SDHA: variants seen among roughly 807,000 people sequenced by gnomAD.
SDHA encodes the protein succinate dehydrogenase [ubiquinone] flavoprotein subunit, mitochondrial.
In SDHA, 48 loss-of-function variants were observed where a neutral mutation model predicts 78.4. The ratio of observed to expected loss-of-function variants is 0.61; its 90% confidence interval spans 0.49 to 0.78. The LOEUF is 0.78. Ranked by LOEUF, SDHA falls within the 30% of genes least tolerant of loss-of-function variation. The probability of loss-of-function intolerance (pLI) is 0.00; values close to 1 mark genes in which losing one functional copy is unlikely to be tolerated. For synonymous variants in SDHA, 326 were observed against 353.9 expected (o/e 0.92, Z 0.88); for missense variants, 680 against 892.7 (o/e 0.76, Z 3.04).
intron 14 of SDHA, among the ~76,000 whole-genome samples, chr5:255,768 G>C (rs1737145799): frequency 6.6e-6 from 1 of 151,992 alleles, no homozygotes; most frequent in Non-Finnish European, 1.5e-5. Context: ...ACTCATTTTA[G>C]AAAGTACAAA....
In SDHA at chr5:226,045, AG is replaced by A. The variant is rs1159289835; in HGVS notation, c.621+1del. 1 of 1,613,798 alleles carries A rather than the reference AG, an allele frequency of 6.2e-7. No individual in the cohort carries two copies. Among genetic ancestry groups the A allele is most frequent in the African/African-American group, 1.3e-5 (1 of 74,834 alleles). Reference sequence around the variant, plus strand: ...CTCGCTATTGCACACCTTATATGGAAGGGTAAGGCCGCCCCCGTCCACCTGA... The same window carrying A: ...CTCGCTATTGCACACCTTATATGGAAGGTAAGGCCGCCCCCGTCCACCTGA... ...GHSLLHTLYG[R>X]SLRYDTSYFV... On this transcript the variant is annotated frameshift_variant and splice_region_variant, in exon 5 of 15. Coordinates refer to ENST00000264932, the MANE Select transcript of SDHA (RefSeq NM_004168.4). LOFTEE classifies it high-confidence loss of function.
the SDHA span, among the ~76,000 whole-genome samples, chr5:262,309 C>G: frequency 9.1e-6 from 1 of 110,294 alleles, no homozygotes; most frequent in Non-Finnish European, 2.0e-5. Flanking sequence ...CGTGTGAGCT[C>G]CGCCTCCCGT....
intron 11 of SDHA, among the ~76,000 whole-genome samples, chr5:245,973 T>G (rs1482790096): frequency 6.6e-6 from 1 of 152,248 alleles, no homozygotes; most frequent in Non-Finnish European, 1.5e-5. Flanking sequence ...TAATCTATTT[T>G]CTATCCTTAG....
chr5:239,062 G>C (rs1735962198), intron 10 of SDHA, among the ~76,000 whole-genome samples: 1 of 126,046 alleles, frequency 7.9e-6, no homozygotes, highest in Admixed American at 7.7e-5. Context: ...AAAAGGAAGA[G>C]AAACACCAGC....
intron 14 of SDHA, among the ~76,000 whole-genome samples, chr5:255,651 C>T (rs1288014910): frequency 6.6e-6 from 1 of 152,086 alleles, no homozygotes; most frequent in Non-Finnish European, 1.5e-5. Context: ...CCACGTTGCC[C>T]AGGCTAGTCT....
intron 5 of SDHA, 100 bp downstream of exon 5, chr5:226,147 T>G: frequency 1.4e-6 from 2 of 1,381,704 alleles, no homozygotes; most frequent in Non-Finnish European, 2.0e-6. Context: ...AGCCAGAGAT[T>G]ACGTAAAAAG....
At chr5:253,287 A>C (rs1484987562) in intron 13 of SDHA, among the ~76,000 whole-genome samples, 2 of 152,202 alleles carry the variant, frequency 1.3e-5, no homozygotes, top group African/African-American at 4.8e-5. Flanking sequence ...TTTATTCACC[A>C]TGAAATTTTA....
Position 230,904 on chromosome 5 carries a change from A to G in SDHA, c.799A>G (p.Thr267Ala). The change falls in exon 7 of 15, where the codon ACG (threonine) becomes GCG (alanine). Residue 267 changes from threonine (T) to alanine (A), a missense_variant. Thr to Ala is a moderately conservative substitution (Grantham distance 58, BLOSUM62 0). Transcript: ENST00000264932. ...CTACGGGCGCACCTACTTCAGCTGCACGTCTGCCCACACCAGCACTGGCGA... is the reference window on the plus strand; with the variant it reads ...CTACGGGCGCACCTACTTCAGCTGCGCGTCTGCCCACACCAGCACTGGCGA... ...GGYGRTYFSC[T>A]SAHTSTGDGT... The G allele has an allele frequency of 1.2e-6, 2 of 1,614,024 alleles. No individual in the cohort carries two copies. Among genetic ancestry groups the G allele is most frequent in the Non-Finnish European group, 8.5e-7 (1 of 1,179,960 alleles).
downstream of SDHA, among the ~76,000 whole-genome samples, chr5:259,625 C>T (rs1161692245): frequency 6.1e-4 from 15 of 24,628 alleles, no homozygotes; most frequent in South Asian, 1.8e-3. Flanking sequence ...TGAGCTCCGC[C>T]TCCCGTCCGA....
chr5:256,614 G>A lies in SDHA; in HGVS notation c.*194G>A. On this transcript the variant is annotated 3_prime_UTR_variant, in exon 15 of 15. Transcript: ENST00000264932. ...GCCAGGGAGCGTGGCACTTACCTTT[G>A]TCCCTTGCTTCATTCTTGTGAGATG... is the stretch of plus-strand genomic sequence containing the variant. 3.3e-6 allele frequency: 2 copies of A among 611,606 alleles called. No individual in the cohort carries two copies. Among genetic ancestry groups the A allele is most frequent in the East Asian group, 2.8e-5 (1 of 35,722 alleles). The allele number at this position is 611,606 out of a possible 1,614,324, so 37.9% of individuals were successfully genotyped here. A position where few individuals can be genotyped will look rare whatever the true frequency, so the allele number is the denominator to read the frequency against.
chr5:219,872 A>G (rs1476765624), intron 1 of SDHA, among the ~76,000 whole-genome samples: 2 of 143,902 alleles, frequency 1.4e-5, no homozygotes, highest in Non-Finnish European at 3.0e-5. Flanking sequence ...AAATTGAACC[A>G]AAATTTAGTC....
At position 233,571 on chromosome 5, in the gene SDHA, C is replaced by T. The variant is rs370547766; in HGVS notation, c.990C>T (p.Tyr330=). Residue 330 remains tyrosine (Y), a synonymous_variant, in exon 8 of 15, where the codon TAC becomes TAT. Coordinates refer to ENST00000264932, the MANE Select transcript of SDHA (RefSeq NM_004168.4). Reference sequence around the variant, plus strand: ...AAGGCGAAAGGTTTATGGAGCGATACGCCCCTGTCGCGAAGGACCTGGCGT... The same window carrying T: ...AAGGCGAAAGGTTTATGGAGCGATATGCCCCTGTCGCGAAGGACCTGGCGT... ...NSQGERFMER[Y]APVAKDLASR... The T allele has an allele frequency of 5.6e-6, 9 of 1,614,014 alleles. No homozygotes were observed. The highest frequency in any genetic ancestry group is 4.5e-5 in the East Asian group (2 of 44,890).
chr5:227,845 A>G (rs1273402848), intron 5 of SDHA: 18 of 368,052 alleles, frequency 4.9e-5, no homozygotes, highest in South Asian at 3.4e-4. Flanking sequence ...CTGTGACTGC[A>G]TGGTCTGCGG....
intron 11 of SDHA, chr5:249,548 G>A (rs3975683): frequency 0.24 from 36,713 of 152,808 alleles, 6,890 homozygotes; most frequent in African/African-American, 0.53. Flanking sequence ...TGTGCCTTAA[G>A]GACATTTTCC....
At chr5:233,381 TTCC>T (rs756647241) in intron 7 of SDHA, 93 bp from the exon 8 acceptor site, 15 of 1,349,430 alleles carry the variant, frequency 1.1e-5, no homozygotes, top group Non-Finnish European at 1.6e-5. Context: ...GCTTATCTTT[TTCC>T]TCTTTCCCCC....
rs1383962709 is a variant in SDHA, at chr5:237,477, G to C, written c.1432+878G>C. 4.5e-5 allele frequency among the ~76,000 whole-genome samples: 6 copies of C among 132,986 alleles called. 2 individuals are homozygous for C. Among genetic ancestry groups the C allele is most frequent in the Non-Finnish European group, 7.6e-5 (5 of 66,076 alleles). 87.2% of individuals were successfully genotyped at this position (132,986 alleles called of 152,430 possible). A position where few individuals can be genotyped will look rare whatever the true frequency, so the allele number is the denominator to read the frequency against. On this transcript the variant is annotated intron_variant, in intron 10 of 14. Coordinates refer to ENST00000264932, the MANE Select transcript of SDHA (RefSeq NM_004168.4). ...AGTAAAGGAAATACCATGTGTGGGA[G>C]TGTGAGTCTTACGTGCACTAAGAAC...
chr5:232,844 G>A (rs554071051), intron 7 of SDHA, among the ~76,000 whole-genome samples: 2 of 152,302 alleles, frequency 1.3e-5, no homozygotes, highest in African/African-American at 4.8e-5. Context: ...TCACAGAGCC[G>A]CTGTTTGGAG....
downstream of SDHA, among the ~76,000 whole-genome samples, chr5:257,221 G>T (rs1423211484): frequency 1.3e-5 from 2 of 152,118 alleles, no homozygotes; most frequent in Non-Finnish European, 2.9e-5. Context: ...TCAAATCAGG[G>T]GTCCCCAATC....
At chr5:242,974 CCTT>C (rs1394455821) in intron 11 of SDHA, among the ~76,000 whole-genome samples, 1 of 152,168 alleles carries the variant, frequency 6.6e-6, no homozygotes, top group Non-Finnish European at 1.5e-5. Context: ...TGCACCCCCT[CCTT>C]ATTTTGAAGA....
Sources: gnomAD v4.1 joint callset for allele counts (sites outside exome capture counted in the v4.1 genomes callset) on GRCh38, gnomAD v4.1.1 for gene constraint, MANE v1.5 for transcripts, NCBI Gene and HGNC (gene_info 2026-07-23, HGNC 2026-07-21) for gene names.